RASGRF2: variants seen among roughly 807,000 people sequenced by gnomAD.
RASGRF2 encodes the protein Ras protein specific guanine nucleotide releasing factor 2, also known as ras-specific guanine nucleotide-releasing factor 2.
In RASGRF2, 76 loss-of-function variants were observed where a neutral mutation model predicts 151.0. The ratio of observed to expected loss-of-function variants is 0.50; its 90% confidence interval spans 0.42 to 0.61. The LOEUF (loss-of-function observed/expected upper bound fraction) is 0.61, where lower values mean the gene tolerates loss of function less well. Ranked by LOEUF, RASGRF2 falls within the 20% of genes least tolerant of loss-of-function variation. RASGRF2 has a pLI of 0.00. For missense variants in RASGRF2, 1,148 were observed against 1,564.6 expected (o/e 0.73, Z 4.49); for synonymous variants, 504 against 566.5 (o/e 0.89, Z 1.57).
chr5:81,219,590 C>T (rs1755814831), intron 25 of RASGRF2, 120 bp from the exon 26 acceptor site: 1 of 726,158 alleles, frequency 1.4e-6, no homozygotes. Context: ...CTCCACCCGC[C>T]TCACTGGAGG....
At chr5:81,106,241 G>T (rs1752842572) in intron 12 of RASGRF2, among the ~76,000 whole-genome samples, 2 of 151,996 alleles carry the variant, frequency 1.3e-5, no homozygotes, top group African/African-American at 4.8e-5. Context: ...TTATTCAGTA[G>T]TTCATCAATT....
At chr5:81,115,685 G>A (rs1482810705) in intron 15 of RASGRF2, among the ~76,000 whole-genome samples, 1 of 152,224 alleles carries the variant, frequency 6.6e-6, no homozygotes, top group East Asian at 1.9e-4. Context: ...GTGGCTTGGA[G>A]GCTGTGGTTT....
chr5:81,096,300 G>T (rs1056273482), intron 12 of RASGRF2: 1 of 152,112 alleles, frequency 6.6e-6, no homozygotes, highest in South Asian at 2.1e-4. Flanking sequence ...TCAATTAATA[G>T]CATATTAAGT....
chr5:81,059,300 C>T (rs187186858), intron 2 of RASGRF2, among the ~76,000 whole-genome samples: 331 of 149,522 alleles, frequency 2.2e-3, no homozygotes, highest in African/African-American at 7.1e-3. Flanking sequence ...AGAATAATGG[C>T]GTGAACCCGG....
chr5:81,169,634 G>GT (rs2112655661), intron 17 of RASGRF2, among the ~76,000 whole-genome samples: 1 of 152,312 alleles, frequency 6.6e-6, no homozygotes, highest in South Asian at 2.1e-4. Context: ...CAAAGACCCT[G>GT]TTTCCAAATA....
In RASGRF2 at chr5:81,188,075, G is replaced by A. The variant is rs116393618; in HGVS notation, c.2793+7794G>A. On this transcript the variant is annotated intron_variant, in intron 18 of 26. Coordinates refer to ENST00000265080, the MANE Select transcript of RASGRF2 (RefSeq NM_006909.3). ...GGCAGCTGCTGTCACCTCTCCTGAC[G>A]TTCCTGGCCTGCTGCTGTCACCTCT... Among the ~76,000 whole-genome samples the A allele has an allele frequency of 2.1e-3, 324 of 152,188 alleles. 2 individuals are homozygous for A. Among genetic ancestry groups the A allele is most frequent in the African/African-American group, 7.2e-3 (301 of 41,518 alleles).
intron 1 of RASGRF2, among the ~76,000 whole-genome samples, chr5:80,983,533 C>T (rs1748380351): frequency 1.3e-5 from 2 of 152,268 alleles, no homozygotes; most frequent in South Asian, 4.1e-4. Context: ...GCAAACAGTG[C>T]TATTTAAGTA....
intron 1 of RASGRF2, among the ~76,000 whole-genome samples, chr5:81,039,292 A>G (rs2112386290): frequency 6.6e-6 from 1 of 152,272 alleles, no homozygotes; most frequent in Non-Finnish European, 1.5e-5. Context: ...AAAGGGATAT[A>G]CCTAAAATAT....
At chr5:81,085,345 A>G (rs6869328) in intron 7 of RASGRF2, among the ~76,000 whole-genome samples, 1 of 152,154 alleles carries the variant, frequency 6.6e-6, no homozygotes, top group African/African-American at 2.4e-5. Flanking sequence ...AAAGTAATAA[A>G]GGTGAACATG....
At chr5:81,099,907 CTTTTT>C (rs577876645) in intron 12 of RASGRF2, among the ~76,000 whole-genome samples, 1 of 125,038 alleles carries the variant, frequency 8.0e-6, no homozygotes, top group Non-Finnish European at 1.6e-5. Flanking sequence ...TTTCTTTTTT[CTTTTT>C]TTTTTTTTTT....
At chr5:81,200,809 T>G (rs1290467983) in intron 18 of RASGRF2, among the ~76,000 whole-genome samples, 2 of 152,088 alleles carry the variant, frequency 1.3e-5, no homozygotes, top group African/African-American at 2.4e-5. Flanking sequence ...GTGCATATCA[T>G]CTCCTAGGCC....
At chr5:81,022,067 A>G (rs13184251) in intron 1 of RASGRF2, among the ~76,000 whole-genome samples, 14,820 of 152,250 alleles carry the variant, frequency 0.097, 863 homozygotes, top group African/African-American at 0.16. Flanking sequence ...AAAAGATCTT[A>G]TGATTGGATC....
chr5:81,208,508 C>G, intron 22 of RASGRF2, 70 bp downstream of exon 22: 4 of 652,446 alleles, frequency 6.1e-6, no homozygotes, highest in Non-Finnish European at 9.9e-6. Flanking sequence ...AAAGACTCCT[C>G]TAAAACAAAG....
intron 17 of RASGRF2, among the ~76,000 whole-genome samples, chr5:81,136,809 C>G (rs1753765295): frequency 6.6e-6 from 1 of 151,924 alleles, no homozygotes. Flanking sequence ...TCCCCCTTTC[C>G]TTTTTCTCTT....
intron 17 of RASGRF2, among the ~76,000 whole-genome samples, chr5:81,132,452 C>T (rs1181388731): frequency 6.6e-6 from 1 of 152,198 alleles, no homozygotes. Context: ...CTCTTCAAGT[C>T]AGCAAGCAGG....
In RASGRF2 at chr5:80,960,967, C is replaced by T; in HGVS notation, c.229C>T (p.Pro77Ser). 1.3e-6 allele frequency: 2 copies of T among 1,562,704 alleles called. No homozygotes were observed. Among genetic ancestry groups the T allele is most frequent in the African/African-American group, 1.4e-5 (1 of 73,872 alleles). The change falls in exon 1 of 27, where the codon CCC (proline) becomes TCC (serine). Residue 77 changes from proline to serine, a missense_variant. Transcript: ENST00000265080. The surrounding 1 kb of genome is among the most constrained non-coding windows in gnomAD (Gnocchi z 5.5). ...GGAGGGCTGCAGCTGCGAACGAACG[C>T]CCGCGCCACCCAGGGCCGGCGCCGG... is the stretch of plus-strand genomic sequence containing the variant. ...LLEGCSCERT[P>S]APPRAGAGQG...
chr5:81,116,901 C>A (rs1005197827), intron 15 of RASGRF2, among the ~76,000 whole-genome samples: 2 of 152,202 alleles, frequency 1.3e-5, no homozygotes, highest in South Asian at 2.1e-4. Context: ...TAAGAAAATG[C>A]AGTATGCAGA....
chr5:81,121,236 A>G (rs955010668), intron 15 of RASGRF2, among the ~76,000 whole-genome samples: 3 of 152,232 alleles, frequency 2.0e-5, no homozygotes, highest in African/African-American at 7.2e-5. Flanking sequence ...CGTGTATCAC[A>G]TAATGTTAAC....
At position 81,024,103 on chromosome 5, in the gene RASGRF2, G is replaced by A. The variant is rs556984155; in HGVS notation, c.289-18774G>A. Among the ~76,000 whole-genome samples the A allele has an allele frequency of 3.9e-5, 6 of 152,192 alleles. No homozygotes were observed. The East Asian group carries it at 9.6e-4, about 24-fold the overall frequency. On this transcript the variant is annotated intron_variant, in intron 1 of 26. Coordinates refer to ENST00000265080, the MANE Select transcript of RASGRF2 (RefSeq NM_006909.3). Reference sequence around the variant, plus strand: ...TGGGGCTCATGACTGTCTGGGAAGCGTGGTGGATTATCTCATAGGCATGGC... The same window carrying A: ...TGGGGCTCATGACTGTCTGGGAAGCATGGTGGATTATCTCATAGGCATGGC...
Sources: gnomAD v4.1 joint callset for allele counts (sites outside exome capture counted in the v4.1 genomes callset) on GRCh38, gnomAD v4.1.1 for gene constraint, Gnocchi (gnomAD v3.1) non-coding constraint, MANE v1.5 for transcripts, NCBI Gene and HGNC (gene_info 2026-07-23, HGNC 2026-07-21) for gene names.